The following SCP2 variants were observed in gnomAD, a reference collection of about 807,000 sequenced individuals.
SCP2 encodes SCP-2/3-oxoacyl-CoA thiolase.
SCP2 carries 48 observed loss-of-function variants against 71.4 expected under a neutral mutation model. The ratio of observed to expected loss-of-function variants is 0.67; its 90% CI spans 0.53 to 0.86. The LOEUF is 0.86. Ranked by LOEUF, SCP2 falls within the 40% of genes least tolerant of loss-of-function variation. The pLI is 0.00. For synonymous variants in SCP2, 220 were observed against 218.1 expected, an observed-to-expected ratio of 1.01 and a Z score of -0.08; for missense variants, 560 against 655.6, an observed-to-expected ratio of 0.85 and a Z score of 1.59.
chr1:52,961,496 C>T lies in SCP2; in HGVS notation c.397-7C>T, dbSNP rs765870016. On this transcript the variant is annotated splice_polypyrimidine_tract_variant and splice_region_variant and intron_variant, in intron 5 of 15. Coordinates refer to ENST00000371514, the MANE Select transcript of SCP2 (RefSeq NM_002979.5). ...GCTGCTTATGAAATTTTGTTCCCCC[C>T]TCTTAGTTTTCAGATAGAACCATTC... The T allele has an allele frequency of 5.6e-6, 9 of 1,613,704 alleles. No individual in the cohort carries two copies. Among genetic ancestry groups the T allele is most frequent in the Non-Finnish European group, 5.9e-6 (7 of 1,179,734 alleles).
At chr1:52,974,201 A>AT (rs991410921) in intron 6 of SCP2, among the ~76,000 whole-genome samples, 1 of 151,668 alleles carries the variant, frequency 6.6e-6, no homozygotes, top group Non-Finnish European at 1.5e-5. Context: ...GTAAAAAAAA[A>AT]TTTTTTTTGC....
intron 6 of SCP2, among the ~76,000 whole-genome samples, chr1:52,964,213 TC>T (rs1213812905): frequency 2.0e-5 from 3 of 147,312 alleles, no homozygotes; most frequent in African/African-American, 7.7e-5. Context: ...TTCTTTTCTC[TC>T]TTTTTTTTTT....
chr1:52,963,649 T>C (rs1299570611), intron 6 of SCP2: 3 of 152,224 alleles, frequency 2.0e-5, no homozygotes, highest in Admixed American at 1.3e-4. Flanking sequence ...CCAGTAATAG[T>C]AGCTGCTCTT....
At chr1:53,012,729 CT>C (rs1236771713) in intron 11 of SCP2, among the ~76,000 whole-genome samples, 5 of 152,328 alleles carry the variant, frequency 3.3e-5, no homozygotes, top group Non-Finnish European at 7.3e-5. Context: ...CTGGTTTAAA[CT>C]TTGACCAGTT....
At chr1:52,961,273 G>A (rs1399795263) in intron 5 of SCP2, among the ~76,000 whole-genome samples, 1 of 151,336 alleles carries the variant, frequency 6.6e-6, no homozygotes, top group Non-Finnish European at 1.5e-5. Context: ...GCACATACTG[G>A]ATGCCCAATA....
At chr1:52,993,087 T>A in intron 11 of SCP2, 1 of 1,245,918 alleles carries the variant, frequency 8.0e-7, no homozygotes, top group Non-Finnish European at 1.2e-6. Context: ...AAGGCTAACA[T>A]GGTGATCATT....
intron 14 of SCP2, among the ~76,000 whole-genome samples, chr1:53,045,690 A>G (rs1003555064): frequency 6.6e-6 from 1 of 152,150 alleles, no homozygotes; most frequent in Non-Finnish European, 1.5e-5. Context: ...TTTTTTTAAA[A>G]ATCAGGTTAA....
At chr1:52,963,308 T>C (rs72899307) in intron 6 of SCP2, among the ~76,000 whole-genome samples, 10,117 of 152,202 alleles carry the variant, frequency 0.066, 572 homozygotes, top group East Asian at 0.21. Flanking sequence ...CATGTCTGCT[T>C]TGTTTACCTT....
intron 4 of SCP2, 114 bp from the exon 5 acceptor site, chr1:52,954,626 A>G (rs1553144762): frequency 1.1e-6 from 1 of 882,138 alleles, no homozygotes; most frequent in South Asian, 1.4e-5. Context: ...ATGGGACTAT[A>G]AGTTCGAGCC....
At chr1:53,001,876 A>G (rs1034331193) in intron 11 of SCP2, among the ~76,000 whole-genome samples, 1 of 152,184 alleles carries the variant, frequency 6.6e-6, no homozygotes, top group Non-Finnish European at 1.5e-5. Context: ...CATTATTTAT[A>G]GGCTTTAAAA....
chr1:52,989,273 A>T (rs1195112326), intron 11 of SCP2, among the ~76,000 whole-genome samples: 1 of 152,226 alleles, frequency 6.6e-6, no homozygotes, highest in Non-Finnish European at 1.5e-5. Flanking sequence ...CCTGTCCTTT[A>T]TAAAAGTTCG....
intron 6 of SCP2, among the ~76,000 whole-genome samples, chr1:52,968,521 A>T (rs1657176416): frequency 6.6e-6 from 1 of 152,122 alleles, no homozygotes; most frequent in South Asian, 2.1e-4. Flanking sequence ...ATATCATATA[A>T]TTTACTCTTT....
intron 1 of SCP2, among the ~76,000 whole-genome samples, chr1:52,929,037 G>A (rs1010050571): frequency 3.3e-5 from 5 of 152,122 alleles, no homozygotes; most frequent in African/African-American, 1.2e-4. Context: ...TAGAGGTCGG[G>A]GAGGTGTTAC....
At chr1:53,034,841 C>G (rs61005361) in intron 13 of SCP2, among the ~76,000 whole-genome samples, 5,705 of 152,204 alleles carry the variant, frequency 0.037, 228 homozygotes, top group East Asian at 0.21. Flanking sequence ...CACGGTGGCT[C>G]ACGCCTGTAA....
chr1:52,993,121 A>G (rs1659645072), intron 11 of SCP2: 1 of 1,503,802 alleles, frequency 6.6e-7, no homozygotes, highest in Non-Finnish European at 9.3e-7. Context: ...AAAGGTACCA[A>G]CAAGATGTAA....
At chr1:52,991,680 T>A (rs546049713) in intron 11 of SCP2, among the ~76,000 whole-genome samples, 1 of 152,360 alleles carries the variant, frequency 6.6e-6, no homozygotes, top group African/African-American at 2.4e-5. Context: ...ATTACAGGCA[T>A]GAACCACCAC....
chr1:52,929,309 C>A (rs1326037353), intron 1 of SCP2, among the ~76,000 whole-genome samples: 1 of 151,110 alleles, frequency 6.6e-6, no homozygotes, highest in Non-Finnish European at 1.5e-5. Context: ...GCGATCCTAC[C>A]GAGTAGCTAG....
chr1:52,970,118 G>T (rs1245405400), intron 6 of SCP2, among the ~76,000 whole-genome samples: 1 of 151,976 alleles, frequency 6.6e-6, no homozygotes, highest in Non-Finnish European at 1.5e-5. Flanking sequence ...TTTTACCCAA[G>T]AATTATTTCA....
intron 12 of SCP2, among the ~76,000 whole-genome samples, chr1:53,015,298 T>G (rs939202968): frequency 1.3e-5 from 2 of 152,196 alleles, no homozygotes; most frequent in Non-Finnish European, 2.9e-5. Flanking sequence ...TAGCTGGGTA[T>G]GGGTCTCGGC....
Sources: gnomAD v4.1 joint callset for allele counts (sites outside exome capture counted in the v4.1 genomes callset) on GRCh38, gnomAD v4.1.1 for gene constraint, MANE v1.5 for transcripts, NCBI Gene and HGNC (gene_info 2026-07-23, HGNC 2026-07-21) for gene names.